The following SASH1 variants were observed in gnomAD, a reference collection of about 807,000 sequenced individuals.
SASH1 encodes SAM and SH3 domain-containing protein 1.
A neutral mutation model predicts 125.2 loss-of-function variants in SASH1; 44 were observed. The observed-to-expected ratio is 0.35, with a 90% CI of 0.28 to 0.45. The LOEUF is 0.45. SASH1 is among the 20% of genes least tolerant of loss of function. SASH1 has a pLI of 1.00. For missense variants in SASH1, 1,426 were observed against 1,614.5 expected (o/e 0.88, Z 2.00); for synonymous variants, 639 against 649.1 (o/e 0.98, Z 0.24).
chr6:148,280,610 G>C (rs751323666), intron 1 of SASH1, among the ~76,000 whole-genome samples: 10 of 152,076 alleles, frequency 6.6e-5, no homozygotes, highest in Non-Finnish European at 1.3e-4. Context: ...AAGAGTTTGA[G>C]ATCAGCCTGG....
chr6:148,273,518 T>C (rs1303910929), intron 1 of SASH1, among the ~76,000 whole-genome samples: 1 of 151,812 alleles, frequency 6.6e-6, no homozygotes, highest in Non-Finnish European at 1.5e-5. Flanking sequence ...GGTCTTGAAC[T>C]CCTGACCCCA....
chr6:148,498,153 G>T (rs1396115976), intron 8 of SASH1, among the ~76,000 whole-genome samples: 2 of 151,882 alleles, frequency 1.3e-5, no homozygotes, highest in Non-Finnish European at 2.9e-5. Context: ...GGAGGCCAAG[G>T]TGGGTGGATT....
the SASH1 span, among the ~76,000 whole-genome samples, chr6:148,226,819 G>A: frequency 9.2e-5 from 14 of 152,204 alleles, no homozygotes; most frequent in Non-Finnish European, 1.6e-4. Context: ...CAACCTCTCC[G>A]GAAGCTGGGG....
intron 1 of SASH1, chr6:148,379,862 ATGTTCCATCACCGCTGATCT>A (rs1783062560): frequency 2.2e-6 from 1 of 455,596 alleles, no homozygotes; most frequent in African/African-American, 2.0e-5. Flanking sequence ...AAGAGCTGCC[ATGTTCCATCACCGCTGATCT>A]TGTTCCATCT....
the SASH1 span, among the ~76,000 whole-genome samples, chr6:148,244,226 C>T: frequency 3.3e-5 from 5 of 152,196 alleles, no homozygotes; most frequent in Non-Finnish European, 5.9e-5. Context: ...CTCTACCAGG[C>T]AGGACCCGAA....
In SASH1 at chr6:148,393,640, T is replaced by C; in HGVS notation, c.285+3378T>C. The C allele has an allele frequency of 2.2e-6, 2 of 897,000 alleles. 1 individual carries two copies. 55.6% of individuals were successfully genotyped at this position (897,000 alleles called of 1,614,324 possible). A position where few individuals can be genotyped will look rare whatever the true frequency, so the allele number is the denominator to read the frequency against. On this transcript the variant is annotated intron_variant, in intron 2 of 19. Transcript: ENST00000367467. Reference sequence around the variant, plus strand: ...TTATTTTGATTTATTATTTAGATAATAAAACCTCCTTCTCATTCAAACAGA... The same window carrying C: ...TTATTTTGATTTATTATTTAGATAACAAAACCTCCTTCTCATTCAAACAGA...
chr6:148,362,347 C>T (rs914636071), intron 1 of SASH1, among the ~76,000 whole-genome samples: 1 of 151,852 alleles, frequency 6.6e-6, no homozygotes, highest in Non-Finnish European at 1.5e-5. Flanking sequence ...CTCAGCCTCC[C>T]GAGTAGCTGG....
the SASH1 span, among the ~76,000 whole-genome samples, chr6:148,218,026 AAT>A: frequency 6.6e-6 from 1 of 151,148 alleles, no homozygotes; most frequent in African/African-American, 2.4e-5. Context: ...AAAAAAAAAA[AAT>A]AAATAAAAAA....
intron 1 of SASH1, among the ~76,000 whole-genome samples, chr6:148,282,795 A>C (rs1274076456): frequency 6.6e-6 from 1 of 152,098 alleles, no homozygotes; most frequent in Non-Finnish European, 1.5e-5. Context: ...CTAGAGGCAG[A>C]ATACAGTGTT....
At chr6:148,358,740 T>C (rs1481881638) in intron 1 of SASH1, among the ~76,000 whole-genome samples, 2 of 145,800 alleles carry the variant, frequency 1.4e-5, no homozygotes, top group Non-Finnish European at 3.0e-5. Flanking sequence ...TTTGTTTTTT[T>C]TTTTTTTTTT....
the SASH1 span, among the ~76,000 whole-genome samples, chr6:148,198,003 C>A: frequency 6.6e-6 from 1 of 152,166 alleles, no homozygotes; most frequent in Non-Finnish European, 1.5e-5. Flanking sequence ...CTGCCCAACA[C>A]CACGCCTGGC....
chr6:148,474,966 A>G (rs1778277639), intron 7 of SASH1, among the ~76,000 whole-genome samples: 1 of 152,152 alleles, frequency 6.6e-6, no homozygotes. Flanking sequence ...TATTAATTGC[A>G]ATTTATTGTG....
the SASH1 span, among the ~76,000 whole-genome samples, chr6:148,265,191 T>C: frequency 6.6e-6 from 1 of 152,048 alleles, no homozygotes. Flanking sequence ...ACACCTGTAG[T>C]CCCAGTTGCT....
At chr6:148,520,198 G>A in intron 10 of SASH1, 1 of 320,014 alleles carries the variant, frequency 3.1e-6, no homozygotes, top group Non-Finnish European at 5.8e-6. Context: ...GTGGAGCGGA[G>A]CCTGTACAGC....
At chr6:148,370,581 T>C (rs1160580995) in intron 1 of SASH1, among the ~76,000 whole-genome samples, 1 of 152,138 alleles carries the variant, frequency 6.6e-6, no homozygotes, top group Non-Finnish European at 1.5e-5. Flanking sequence ...CCCAGCACTT[T>C]GGGAAGCCAA....
At chr6:148,491,176 C>A (rs1040117992) in intron 8 of SASH1, among the ~76,000 whole-genome samples, 1 of 152,142 alleles carries the variant, frequency 6.6e-6, no homozygotes, top group African/African-American at 2.4e-5. Flanking sequence ...AAATAGTGAC[C>A]CCCTTGGGCA....
intron 2 of SASH1, chr6:148,393,818 G>T: frequency 1.6e-6 from 1 of 643,090 alleles, no homozygotes; most frequent in Non-Finnish European, 1.9e-6. Context: ...CTGGAAGCAT[G>T]ACTGTTCATT....
chr6:148,383,711 A>G (rs925429821), intron 1 of SASH1, among the ~76,000 whole-genome samples: 7 of 152,222 alleles, frequency 4.6e-5, no homozygotes, highest in African/African-American at 1.7e-4. Flanking sequence ...GCGCAGAAAT[A>G]ACAAAAGTAA....
intron 1 of SASH1, among the ~76,000 whole-genome samples, chr6:148,326,323 C>CATATGT: frequency 1.0e-4 from 1 of 9,826 alleles, no homozygotes; most frequent in Non-Finnish European, 1.7e-4. Flanking sequence ...CCACCGCATG[C>CATATGT]ATATATATAT....
Sources: allele counts gnomAD v4.1 joint callset (sites outside exome capture counted in the v4.1 genomes callset), GRCh38; gene constraint gnomAD v4.1.1; transcripts MANE v1.5; gene names NCBI Gene and HGNC (gene_info 2026-07-23, HGNC 2026-07-21).